Variants in SOCS6 observed in about 807,000 individuals in gnomAD.
The protein encoded by SOCS6 is STAT induced STAT inhibitor-4.
SOCS6 carries 5 observed loss-of-function variants against 27.7 expected under a neutral mutation model. The ratio of observed to expected loss-of-function variants is 0.18; its 90% CI spans 0.09 to 0.38. The LOEUF (loss-of-function observed/expected upper bound fraction) is 0.38. Among genes scored for constraint, SOCS6 ranks in the 10% least tolerant of loss-of-function variants. The pLI is 1.00. For synonymous variants in SOCS6, 271 were observed against 260.0 expected, an observed-to-expected ratio of 1.04 and a Z score of -0.41; for missense variants, 595 against 688.1, an observed-to-expected ratio of 0.86 and a Z score of 1.51.
At chr18:70,318,718 A>T (rs1910863117) in intron 1 of SOCS6, among the ~76,000 whole-genome samples, 1 of 152,064 alleles carries the variant, frequency 6.6e-6, no homozygotes, top group Admixed American at 6.6e-5. Flanking sequence ...CGGGTGGATC[A>T]CAAGGTCAGG....
chr18:70,294,345 GT>G lies in SOCS6; in HGVS notation c.-127+5263del, dbSNP rs985500614. Reference sequence around the variant, plus strand: ...GAGTAGGAGTCCGTTTTTCTTGTCAGTTTTTTTTGTTGTTGTTCTTTGGAGG... The same window carrying G: ...GAGTAGGAGTCCGTTTTTCTTGTCAGTTTTTTTGTTGTTGTTCTTTGGAGG... On this transcript the variant is annotated intron_variant, in intron 1 of 1. Transcript: ENST00000397942. Among the ~76,000 whole-genome samples the G allele has an allele frequency of 2.8e-3, 422 of 151,638 alleles. 3 individuals carry two copies. Among genetic ancestry groups the G allele is most frequent in the African/African-American group, 9.7e-3 (403 of 41,366 alleles).
In SOCS6 at chr18:70,302,190, A is replaced by G. The variant is rs531394890; in HGVS notation, c.-127+13100A>G. On this transcript the variant is annotated intron_variant, in intron 1 of 1. Coordinates refer to ENST00000397942, the MANE Select transcript of SOCS6 (RefSeq NM_004232.4). ...GACGGTGGGGGCCCTTGAGCAAGGTAGCAGAATGGAGTAGATGGAAACATG... is the reference window on the plus strand; with the variant it reads ...GACGGTGGGGGCCCTTGAGCAAGGTGGCAGAATGGAGTAGATGGAAACATG... Among the ~76,000 whole-genome samples the G allele has an allele frequency of 2.1e-3, 322 of 152,252 alleles. 9 individuals are homozygous for G. Among genetic ancestry groups the G allele is most frequent in the Non-Finnish European group, 6.2e-4 (42 of 68,006 alleles).
intron 1 of SOCS6, among the ~76,000 whole-genome samples, chr18:70,294,416 T>C (rs2062314483): frequency 6.6e-6 from 1 of 152,052 alleles, no homozygotes; most frequent in Non-Finnish European, 1.5e-5. Context: ...ACTTTTTGGC[T>C]GTGGGAGTTT....
In SOCS6 at chr18:70,329,635, C is replaced by T. The variant is rs1261808446; in HGVS notation, c.*3359C>T. 2 of 167,084 alleles carry T rather than the reference C, an allele frequency of 1.2e-5. No homozygotes were observed. Among genetic ancestry groups the T allele is most frequent in the African/African-American group, 4.8e-5 (2 of 41,454 alleles). The allele number at this position is 167,084 out of a possible 1,614,324, so 10.4% of individuals were successfully genotyped here. On this transcript the variant is annotated 3_prime_UTR_variant, in exon 2 of 2. Coordinates refer to ENST00000397942, the MANE Select transcript of SOCS6 (RefSeq NM_004232.4). The stretch of plus-strand genomic sequence containing the variant: ...GTCTTAATTTCAAAATGAAATCACA[C>T]TACCAGCAATAGACAGTTTTCTTGA...
chr18:70,312,015 C>T (rs1461891288), intron 1 of SOCS6, among the ~76,000 whole-genome samples: 2 of 152,164 alleles, frequency 1.3e-5, no homozygotes, highest in East Asian at 3.8e-4. Context: ...ATTAGTACTA[C>T]TACTTTTGCT....
intron 1 of SOCS6, among the ~76,000 whole-genome samples, chr18:70,303,972 G>A (rs1252867225): frequency 6.6e-6 from 1 of 152,144 alleles, no homozygotes; most frequent in African/African-American, 2.4e-5. Flanking sequence ...GGTTGTATGT[G>A]TGGAAAAATG....
intron 1 of SOCS6, among the ~76,000 whole-genome samples, chr18:70,315,135 A>G (rs1414625465): frequency 2.6e-5 from 4 of 152,124 alleles, no homozygotes; most frequent in African/African-American, 4.8e-5. Flanking sequence ...CAATGTTCAT[A>G]AGTGAGATCA....
intron 1 of SOCS6, among the ~76,000 whole-genome samples, chr18:70,291,807 C>T (rs921658830): frequency 9.2e-5 from 14 of 152,090 alleles, no homozygotes; most frequent in Admixed American, 4.6e-4. Context: ...TAAAATTATT[C>T]ATTTTACAAG....
At chr18:70,291,910 G>A (rs1248848285) in intron 1 of SOCS6, among the ~76,000 whole-genome samples, 1 of 152,162 alleles carries the variant, frequency 6.6e-6, no homozygotes, top group Non-Finnish European at 1.5e-5. Flanking sequence ...TGTTAAAAGA[G>A]GAACAACGTA....
chr18:70,308,141 G>T (rs76550948), intron 1 of SOCS6, among the ~76,000 whole-genome samples: 2,917 of 152,216 alleles, frequency 0.019, 85 homozygotes, highest in African/African-American at 0.066. Flanking sequence ...ATTTATTTCT[G>T]TTGTAGATAT....
At chr18:70,300,687 A>G (rs556093267) in intron 1 of SOCS6, among the ~76,000 whole-genome samples, 2 of 152,194 alleles carry the variant, frequency 1.3e-5, no homozygotes, top group South Asian at 4.1e-4. Context: ...TTATATGGAG[A>G]TTCACTTAGT....
At chr18:70,320,045 G>A (rs1195287113) in intron 1 of SOCS6, among the ~76,000 whole-genome samples, 1 of 151,894 alleles carries the variant, frequency 6.6e-6, no homozygotes, top group African/African-American at 2.4e-5. Flanking sequence ...AGGCTGGAGT[G>A]CAGTGGTGTG....
chr18:70,297,320 TAAAG>T (rs1213393165), intron 1 of SOCS6, among the ~76,000 whole-genome samples: 2 of 151,010 alleles, frequency 1.3e-5, no homozygotes, highest in Non-Finnish European at 2.9e-5. Flanking sequence ...ATGATGGAGA[TAAAG>T]AAGTGTATGT....
intron 1 of SOCS6, among the ~76,000 whole-genome samples, chr18:70,321,261 G>A (rs949040576): frequency 1.3e-5 from 2 of 148,494 alleles, no homozygotes; most frequent in South Asian, 2.2e-4. Context: ...CCAACACAGC[G>A]AGACTCTGAT....
intron 1 of SOCS6, among the ~76,000 whole-genome samples, chr18:70,319,455 A>G (rs1012863283): frequency 6.6e-6 from 1 of 152,182 alleles, no homozygotes; most frequent in Admixed American, 6.5e-5. Flanking sequence ...CATAATCCTG[A>G]AACATCATTT....
chr18:70,309,277 TACAC>T (rs2062381068), intron 1 of SOCS6, among the ~76,000 whole-genome samples: 1 of 152,192 alleles, frequency 6.6e-6, no homozygotes, highest in African/African-American at 2.4e-5. Context: ...GCTTATGAAA[TACAC>T]AAAAAGGATG....
At chr18:70,313,423 CAA>C (rs143337261) in intron 1 of SOCS6, among the ~76,000 whole-genome samples, 3,873 of 152,072 alleles carry the variant, frequency 0.025, 88 homozygotes, top group South Asian at 0.078. Flanking sequence ...TTTATGGATT[CAA>C]GGTTTTATGT....
chr18:70,318,313 A>T (rs895511585), intron 1 of SOCS6, among the ~76,000 whole-genome samples: 3 of 152,156 alleles, frequency 2.0e-5, no homozygotes, highest in African/African-American at 7.2e-5. Context: ...AAATATTCTT[A>T]TTTGTTCATA....
intron 1 of SOCS6, among the ~76,000 whole-genome samples, chr18:70,322,678 T>TG (rs1294949931): frequency 6.6e-6 from 1 of 152,206 alleles, no homozygotes; most frequent in Non-Finnish European, 1.5e-5. Flanking sequence ...TAAAAGTAAC[T>TG]GGTGCTTCAA....
Sources: allele counts gnomAD v4.1 joint callset (sites outside exome capture counted in the v4.1 genomes callset), GRCh38; gene constraint gnomAD v4.1.1; transcripts MANE v1.5; gene names NCBI Gene and HGNC (gene_info 2026-07-23, HGNC 2026-07-21).